DPP9: variants seen among roughly 807,000 people sequenced by gnomAD.
DPP9 encodes dipeptidyl peptidase IV-related protein-2.
Under a neutral mutation model 110.7 loss-of-function variants are expected in DPP9, and 50 were observed. That is an observed-to-expected ratio of 0.45 (90% CI 0.36 to 0.57). DPP9 has a LOEUF of 0.57. Among genes scored for constraint, DPP9 ranks in the 20% least tolerant of loss-of-function variants. The probability of loss-of-function intolerance (pLI) is 0.00; values close to 1 mark genes in which losing one functional copy is unlikely to be tolerated. For synonymous variants in DPP9, 561 were observed against 514.4 expected (o/e 1.09, Z -1.23); for missense variants, 1,022 against 1,217.9 (o/e 0.84, Z 2.39).
intron 8 of DPP9, 61 bp from the exon 9 acceptor site, chr19:4,702,216 AC>A (rs760748746): frequency 1.9e-5 from 30 of 1,540,960 alleles, no homozygotes; most frequent in South Asian, 1.6e-4. Flanking sequence ...TGCCATCAGC[AC>A]CCCCCGCCCC....
At chr19:4,677,454 A>G (rs2089027829) in intron 21 of DPP9, among the ~76,000 whole-genome samples, 1 of 152,114 alleles carries the variant, frequency 6.6e-6, no homozygotes, top group Non-Finnish European at 1.5e-5. Flanking sequence ...TTTCTGAATC[A>G]TCCCCTCCTC....
chr19:4,694,535 C>T lies in DPP9; in HGVS notation c.1516+126G>A, dbSNP rs768592165. ...TCACTGGGGAAGGCTGGCTTCCTGCCGATCCCTGTTCCTTCTCCCGCAGGG... is the reference window on the plus strand; with the variant it reads ...TCACTGGGGAAGGCTGGCTTCCTGCTGATCCCTGTTCCTTCTCCCGCAGGG... On this transcript the variant is annotated intron_variant, in intron 13 of 21. Coordinates refer to ENST00000262960, the MANE Select transcript of DPP9 (RefSeq NM_139159.5). The surrounding 1 kb of genome is among the most constrained non-coding windows in gnomAD (Gnocchi z 4.0). 38 of 1,252,090 alleles carry T rather than the reference C, an allele frequency of 3.0e-5. No individual in the cohort carries two copies. Among genetic ancestry groups the T allele is most frequent in the East Asian group, 1.3e-4 (5 of 39,180 alleles). 77.6% of individuals were successfully genotyped at this position (1,252,090 alleles called of 1,614,324 possible). A position where few individuals can be genotyped will look rare whatever the true frequency, so the allele number is the denominator to read the frequency against.
At chr19:4,711,834 AGAG>A (rs2092849902) in intron 4 of DPP9, among the ~76,000 whole-genome samples, 4 of 150,958 alleles carry the variant, frequency 2.6e-5, no homozygotes, top group African/African-American at 4.9e-5. Context: ...GAAGAGAAGA[AGAG>A]GAGGAGGAGG....
At position 4,704,411 on chromosome 19, in the gene DPP9, G is replaced by T; in HGVS notation, c.427-107C>A. 1 of 1,359,022 alleles carries T rather than the reference G, an allele frequency of 7.4e-7. No homozygotes were observed. The highest frequency in any genetic ancestry group is 1.0e-6 in the Non-Finnish European group (1 of 991,580). The allele number at this position is 1,359,022 out of a possible 1,614,324, so 84.2% of individuals were successfully genotyped here. On this transcript the variant is annotated intron_variant, in intron 5 of 21. Coordinates refer to ENST00000262960, the MANE Select transcript of DPP9 (RefSeq NM_139159.5). This position sits in a 1 kb window ranked among gnomAD's most constrained non-coding sequence, Gnocchi z 6.0. ...GGGCATTCCCAGGGAATCTGACTTC[G>T]GGCCTCGCCAGAGAGAACTTCCTGT...
chr19:4,702,652 C>G lies in DPP9; in HGVS notation c.834G>C (p.Glu278Asp). 1 of 1,604,728 alleles carries G rather than the reference C, an allele frequency of 6.2e-7. No individual in the cohort carries two copies. Among genetic ancestry groups the G allele is most frequent in the Non-Finnish European group, 8.5e-7 (1 of 1,175,988 alleles). Residue 278 changes from glutamate (E) to aspartate (D), a missense_variant, in exon 8 of 22, where the codon GAG (glutamate) becomes GAC (aspartate). This residue lies in a region of DPP9 where 810 missense variants were observed against 920.6 expected (regional missense o/e 0.88). Coordinates refer to ENST00000262960, the MANE Select transcript of DPP9 (RefSeq NM_139159.5). ...ACCAGTACCCAGTGAAGCGGTCGAA[C>G]TCTTCCTGTATGACGAAGGTGGCCA... ...AGVATFVIQE[E>D]FDRFTGYWWC...
intron 20 of DPP9, among the ~76,000 whole-genome samples, chr19:4,681,325 T>C (rs1394021017): frequency 5.3e-5 from 8 of 152,106 alleles, no homozygotes; most frequent in Non-Finnish European, 1.5e-5. Context: ...CAATAAATTA[T>C]TATTTTTTGA....
At chr19:4,699,015 C>T (rs1379653451) in intron 10 of DPP9, among the ~76,000 whole-genome samples, 4 of 151,298 alleles carry the variant, frequency 2.6e-5, no homozygotes, top group Non-Finnish European at 4.4e-5. Context: ...AAAAATTAGC[C>T]GGGCATGGTG....
At position 4,682,901 on chromosome 19, in the gene DPP9, AGCCAGCATCAGCCGCTGTCCCGGG is replaced by A; in HGVS notation, c.2332-87_2332-64del. ...GAGAGAAACAGGCGTCGGGTCCTAC[AGCCAGCATCAGCCGCTGTCCCGGG>A]GCCGCCCTGGAGCCCGTGAGGAGCG... On this transcript the variant is annotated intron_variant, in intron 19 of 21. Transcript: ENST00000262960. This position sits in a 1 kb window ranked among gnomAD's most constrained non-coding sequence, Gnocchi z 7.1. 6.5e-7 allele frequency: 1 copy of A among 1,541,860 alleles called. No homozygotes were observed. Among genetic ancestry groups the A allele is most frequent in the Non-Finnish European group, 8.7e-7 (1 of 1,146,898 alleles).
intron 2 of DPP9, 83 bp from the exon 3 acceptor site, chr19:4,720,024 C>CTCT: frequency 8.4e-7 from 1 of 1,195,226 alleles, no homozygotes. Context: ...TCGCCCCCTC[C>CTCT]TCATTGCTCC....
rs1294665106 is a variant in DPP9 at position 4,685,707 on chromosome 19, G to C, written c.1950C>G (p.Leu650=). 1.2e-6 allele frequency: 2 copies of C among 1,613,414 alleles called. No homozygotes were observed. The highest frequency in any genetic ancestry group is 3.3e-5 in the Admixed American group (2 of 59,960). ...CGTGGGGCTTGTAGATCATGCCGTA[G>C]AGCCGCACATCCGAGCGCGTGTGGA... ...FHFHTRSDVR[L]YGMIYKPHAL... The change falls in exon 17 of 22, where the codon CTC becomes CTG. Residue 650 remains leucine (L), a synonymous_variant. Transcript: ENST00000262960. The surrounding 1 kb of genome is among the most constrained non-coding windows in gnomAD (Gnocchi z 5.8).
chr19:4,714,058 G>A, intron 4 of DPP9, 23 bp downstream of exon 4: 1 of 1,594,222 alleles, frequency 6.3e-7, no homozygotes, highest in Non-Finnish European at 8.6e-7. Context: ...CCCCGCCCAA[G>A]CAGCCTGCAG....
Position 4,684,552 on chromosome 19 carries a change from T to A in DPP9, c.2178+111A>T, listed in dbSNP as rs755291671. 3.1e-6 allele frequency: 4 copies of A among 1,270,238 alleles called. No homozygotes were observed. The highest frequency in any genetic ancestry group is 4.4e-6 in the Non-Finnish European group (4 of 919,244). 78.7% of individuals were successfully genotyped at this position (1,270,238 alleles called of 1,614,324 possible). ...GAGCCTGCGTCACCCCAGCCAGAAG[T>A]GCCCTTCTGCGGGTGGTATTCCAGA... On this transcript the variant is annotated intron_variant, in intron 18 of 21. Transcript: ENST00000262960. The surrounding 1 kb of genome is among the most constrained non-coding windows in gnomAD (Gnocchi z 4.8).
chr19:4,706,099 G>C (rs1055106039), intron 4 of DPP9, 129 bp from the exon 5 acceptor site: 2 of 714,488 alleles, frequency 2.8e-6, no homozygotes, highest in Admixed American at 2.9e-5. Context: ...CGGCGGGACA[G>C]CCCTCCCCGG....
In DPP9 at chr19:4,722,714, A is replaced by G. The variant is rs1433213440; in HGVS notation, c.-88-163T>C. 3 of 595,312 alleles carry G rather than the reference A, an allele frequency of 5.0e-6. No individual in the cohort carries two copies. The East Asian group carries it at 8.7e-5, about 17-fold the overall frequency. The allele number at this position is 595,312 out of a possible 1,614,324, so 36.9% of individuals were successfully genotyped here. On this transcript the variant is annotated intron_variant, in intron 1 of 21. Transcript: ENST00000262960. ...GCAGCACTGTCTGCATGCCCTGGACAGAATCTGGGAGAGAAGCCATCCCAC... is the reference window on the plus strand; with the variant it reads ...GCAGCACTGTCTGCATGCCCTGGACGGAATCTGGGAGAGAAGCCATCCCAC...
intron 1 of DPP9, among the ~76,000 whole-genome samples, chr19:4,722,942 G>C (rs1179897640): frequency 1.3e-5 from 2 of 152,218 alleles, no homozygotes; most frequent in Non-Finnish European, 2.9e-5. Flanking sequence ...GAGGCAGCGT[G>C]AACAGGGAAG....
chr19:4,686,570 T>A (rs922611997), intron 16 of DPP9, among the ~76,000 whole-genome samples: 2 of 152,152 alleles, frequency 1.3e-5, no homozygotes, highest in Admixed American at 1.3e-4. Flanking sequence ...TCCACCCACC[T>A]ATGTCTCCCA....
At chr19:4,709,645 G>A (rs2092741105) in intron 4 of DPP9, among the ~76,000 whole-genome samples, 1 of 152,186 alleles carries the variant, frequency 6.6e-6, no homozygotes, top group South Asian at 2.1e-4. Context: ...GCTTGGGAGT[G>A]ATGGTTGATG....
Position 4,700,128 on chromosome 19 carries a change from T to A in DPP9, c.1074+88A>T. ...CTGGGGAGTGCCCCCGAGAGGGAGG[T>A]GAGTGACCTGCCCATCCACCCAGCT... On this transcript the variant is annotated intron_variant, in intron 10 of 21. Coordinates refer to ENST00000262960, the MANE Select transcript of DPP9 (RefSeq NM_139159.5). The surrounding 1 kb of genome is among the most constrained non-coding windows in gnomAD (Gnocchi z 4.3). 9.2e-7 allele frequency: 1 copy of A among 1,090,504 alleles called. No individual in the cohort carries two copies. Among genetic ancestry groups the A allele is most frequent in the Non-Finnish European group, 1.3e-6 (1 of 798,250 alleles). 67.6% of individuals were successfully genotyped at this position (1,090,504 alleles called of 1,614,324 possible). A position where few individuals can be genotyped will look rare whatever the true frequency, so the allele number is the denominator to read the frequency against.
At chr19:4,722,722 G>T in intron 1 of DPP9, 171 bp from the exon 2 acceptor site, 1 of 589,330 alleles carries the variant, frequency 1.7e-6, no homozygotes, top group South Asian at 2.0e-5. Context: ...ACAGAATCTG[G>T]GAGAGAAGCC....
Sources: gnomAD v4.1 joint callset for allele counts (sites outside exome capture counted in the v4.1 genomes callset) on GRCh38, gnomAD v4.1.1 for gene constraint, gnomAD v4.1.1 regional missense constraint, Gnocchi (gnomAD v3.1) non-coding constraint, MANE v1.5 for transcripts, NCBI Gene and HGNC (gene_info 2026-07-23, HGNC 2026-07-21) for gene names.